Variants in SAMD12 observed in about 807,000 individuals in gnomAD.
SAMD12 encodes sterile alpha motif domain containing 12, also known as sterile alpha motif domain-containing protein 12.
In SAMD12, 9 loss-of-function variants were observed where a neutral mutation model predicts 15.0. The ratio of observed to expected loss-of-function variants is 0.60; its 90% confidence interval spans 0.36 to 1.05. The LOEUF is 1.05. SAMD12 is among the 50% of genes least tolerant of loss of function. SAMD12 has a pLI of 0.01. For synonymous variants in SAMD12, 86 were observed against 90.1 expected (o/e 0.96, Z 0.25); for missense variants, 230 against 234.2 (o/e 0.98, Z 0.12).
At chr8:118,316,227 C>G (rs1372042365) in intron 4 of SAMD12, among the ~76,000 whole-genome samples, 1 of 151,882 alleles carries the variant, frequency 6.6e-6, no homozygotes, top group African/African-American at 2.4e-5. Flanking sequence ...TCAGCCATAT[C>G]AAGAGCATAT....
chr8:118,570,472 G>C (rs565555696), intron 2 of SAMD12, among the ~76,000 whole-genome samples: 23 of 152,182 alleles, frequency 1.5e-4, no homozygotes, highest in Admixed American at 1.3e-3. Flanking sequence ...TTGGTTTTCT[G>C]TTCCTGTGTT....
chr8:118,331,153 G>A (rs1026812123), intron 4 of SAMD12, among the ~76,000 whole-genome samples: 3 of 152,102 alleles, frequency 2.0e-5, no homozygotes, highest in African/African-American at 7.2e-5. Flanking sequence ...GCACAAACTT[G>A]AGACAGTCAC....
chr8:118,206,045 C>T (rs1819854749), intron 4 of SAMD12, among the ~76,000 whole-genome samples: 1 of 152,186 alleles, frequency 6.6e-6, no homozygotes, highest in South Asian at 2.1e-4. Context: ...AATTGAATCT[C>T]TAGATTCCGA....
chr8:118,516,325 A>G (rs1363408678), intron 2 of SAMD12, among the ~76,000 whole-genome samples: 1 of 152,134 alleles, frequency 6.6e-6, no homozygotes, highest in Non-Finnish European at 1.5e-5. Flanking sequence ...TAGTTGTTTC[A>G]TTTGTGCTGG....
Position 118,304,673 on chromosome 8 carries a change from T to C in SAMD12, c.433+74887A>G, listed in dbSNP as rs568542228. Among the ~76,000 whole-genome samples the C allele has an allele frequency of 3.3e-5, 5 of 151,626 alleles. No individual in the cohort carries two copies. The South Asian group carries it at 1.0e-3, about 32-fold the overall frequency. On this transcript the variant is annotated intron_variant, in intron 4 of 4. Coordinates refer to the SAMD12 transcript ENST00000409003. Reference sequence around the variant, plus strand: ...TACTCGGGAGGCTGAGGCAGGGGAATGGCGTGAACCCGGGAGGTGGAGGTT... The same window carrying C: ...TACTCGGGAGGCTGAGGCAGGGGAACGGCGTGAACCCGGGAGGTGGAGGTT...
intron 3 of SAMD12, among the ~76,000 whole-genome samples, chr8:118,403,545 A>G (rs1027583789): frequency 5.3e-5 from 8 of 152,228 alleles, no homozygotes; most frequent in African/African-American, 1.9e-4. Context: ...TTAACAAGGT[A>G]GTCATGAAAA....
intron 2 of SAMD12, among the ~76,000 whole-genome samples, chr8:118,481,901 C>T (rs1159940269): frequency 6.6e-6 from 1 of 152,208 alleles, no homozygotes; most frequent in Non-Finnish European, 1.5e-5. Context: ...GAAGCACTTA[C>T]TCTGAGTCTG....
chr8:118,388,963 C>A (rs1410344888), intron 3 of SAMD12, among the ~76,000 whole-genome samples: 1 of 152,190 alleles, frequency 6.6e-6, no homozygotes, highest in African/African-American at 2.4e-5. Flanking sequence ...AAGTCAGATA[C>A]CCCTGCACTC....
intron 4 of SAMD12, among the ~76,000 whole-genome samples, chr8:118,297,458 C>A (rs1463003904): frequency 6.6e-6 from 1 of 152,192 alleles, no homozygotes; most frequent in Non-Finnish European, 1.5e-5. Context: ...TCCGAAGGGA[C>A]TAATTTCACA....
intron 4 of SAMD12, among the ~76,000 whole-genome samples, chr8:118,225,203 T>C (rs1346356872): frequency 1.3e-5 from 2 of 152,186 alleles, no homozygotes; most frequent in African/African-American, 4.8e-5. Context: ...ATGCTACACA[T>C]CTTGAGGTTG....
intron 3 of SAMD12, among the ~76,000 whole-genome samples, chr8:118,403,883 A>G (rs1476509687): frequency 1.3e-5 from 2 of 152,220 alleles, no homozygotes; most frequent in Admixed American, 6.5e-5. Flanking sequence ...CTTGATGACA[A>G]AGGTATTTCC....
intron 2 of SAMD12, among the ~76,000 whole-genome samples, chr8:118,450,979 T>C (rs962539833): frequency 5.9e-5 from 9 of 152,180 alleles, no homozygotes; most frequent in South Asian, 2.1e-4. Flanking sequence ...ATGTTCGATA[T>C]CATTCTAATG....
At chr8:118,447,991 G>T (rs1172805796) in intron 2 of SAMD12, among the ~76,000 whole-genome samples, 3 of 152,042 alleles carry the variant, frequency 2.0e-5, no homozygotes, top group Non-Finnish European at 4.4e-5. Context: ...GCCTCCCAAA[G>T]TGCTGGGATT....
intron 2 of SAMD12, among the ~76,000 whole-genome samples, chr8:118,557,797 A>G (rs1036956563): frequency 7.2e-5 from 11 of 152,100 alleles, no homozygotes; most frequent in Non-Finnish European, 1.6e-4. Flanking sequence ...AAATCCTAAC[A>G]TTGTTGTTTA....
At chr8:118,545,531 G>T (rs1182368975) in intron 2 of SAMD12, among the ~76,000 whole-genome samples, 2 of 152,142 alleles carry the variant, frequency 1.3e-5, no homozygotes, top group Non-Finnish European at 2.9e-5. Context: ...AGGTATTTAT[G>T]CATAGGTCAT....
At chr8:118,581,466 A>G (rs1586834464) in intron 1 of SAMD12, among the ~76,000 whole-genome samples, 1 of 152,262 alleles carries the variant, frequency 6.6e-6, no homozygotes, top group Non-Finnish European at 1.5e-5. Flanking sequence ...AGGCAAACAA[A>G]AGGACTGGTG....
At chr8:118,354,128 T>C (rs1818104528) in intron 4 of SAMD12, among the ~76,000 whole-genome samples, 2 of 152,246 alleles carry the variant, frequency 1.3e-5, no homozygotes, top group Admixed American at 1.3e-4. Flanking sequence ...GAATTCTCTT[T>C]AGATTCCCAT....
chr8:118,610,908 C>T (rs1457766324), intron 1 of SAMD12, among the ~76,000 whole-genome samples: 2 of 152,176 alleles, frequency 1.3e-5, no homozygotes, highest in Non-Finnish European at 2.9e-5. Context: ...ATCCCTAGAT[C>T]AGTCAGGGTC....
intron 2 of SAMD12, among the ~76,000 whole-genome samples, chr8:118,514,580 T>C (rs1271426713): frequency 6.6e-6 from 1 of 152,234 alleles, no homozygotes; most frequent in Non-Finnish European, 1.5e-5. Context: ...ATTATTTAGG[T>C]TGTATACCAT....
Sources: allele counts gnomAD v4.1 joint callset (sites outside exome capture counted in the v4.1 genomes callset), GRCh38; gene constraint gnomAD v4.1.1; transcripts MANE v1.5; gene names NCBI Gene and HGNC (gene_info 2026-07-23, HGNC 2026-07-21).